Variants in TMEM63C observed in about 807,000 individuals in gnomAD.
The protein encoded by TMEM63C is transmembrane protein 63C, also known as osmosensitive cation channel TMEM63C.
Under a neutral mutation model 99.2 loss-of-function variants are expected in TMEM63C, and 32 were observed. The ratio of observed to expected loss-of-function variants is 0.32; its 90% confidence interval spans 0.24 to 0.43. TMEM63C has a LOEUF of 0.43. Among genes scored for constraint, TMEM63C ranks in the 20% least tolerant of loss-of-function variants. TMEM63C has a pLI of 1.00. For synonymous variants in TMEM63C, 376 were observed against 397.9 expected (o/e 0.94, Z 0.66); for missense variants, 826 against 1,053.0 (o/e 0.78, Z 2.98).
At chr14:77,229,064 A>C (rs1307605920) in intron 6 of TMEM63C, among the ~76,000 whole-genome samples, 1 of 152,204 alleles carries the variant, frequency 6.6e-6, no homozygotes, top group Non-Finnish European at 1.5e-5. Flanking sequence ...GCAGTGCATC[A>C]AATGCTTTTT....
intron 1 of TMEM63C, among the ~76,000 whole-genome samples, chr14:77,193,190 C>A (rs1335961555): frequency 6.6e-6 from 1 of 152,138 alleles, no homozygotes; most frequent in Non-Finnish European, 1.5e-5. Flanking sequence ...TTTTTGACAA[C>A]CGAATTACAA....
chr14:77,256,692 G>A lies in TMEM63C; in HGVS notation c.2387G>A (p.Gly796Glu), dbSNP rs748302096. ...CTAGACTCGGCCCAGTTCCAGGAAG[G>A]GCTGGAACTGGAGGGCCAGAACCAG... ...RELDSAQFQE[G>E]LELEGQNQYH The change falls in exon 24 of 24, where the codon GGG (glycine) becomes GAG (glutamate). Residue 796 changes from glycine to glutamate, a missense_variant. By Grantham distance (98) the Gly-to-Glu change is moderately conservative. Coordinates refer to ENST00000298351, the MANE Select transcript of TMEM63C (RefSeq NM_020431.4). 2 of 1,613,968 alleles carry A rather than the reference G, an allele frequency of 1.2e-6. No individual in the cohort carries two copies. The highest frequency in any genetic ancestry group is 3.3e-5 in the Admixed American group (2 of 60,028).
intron 1 of TMEM63C, among the ~76,000 whole-genome samples, chr14:77,204,085 G>T (rs996769197): frequency 6.6e-6 from 1 of 152,248 alleles, no homozygotes; most frequent in Non-Finnish European, 1.5e-5. Context: ...CAGGAGCTGA[G>T]CTGAGCCATT....
intron 1 of TMEM63C, among the ~76,000 whole-genome samples, chr14:77,194,553 C>CTTTTTCTTTCTTTCTT (rs56115104): frequency 8.0e-6 from 1 of 125,046 alleles, no homozygotes; most frequent in Non-Finnish European, 1.6e-5. Context: ...TTCTTTCTTT[C>CTTTTTCTTTCTTTCTT]TCTTTCTTTC....
intron 5 of TMEM63C, among the ~76,000 whole-genome samples, chr14:77,224,470 G>T (rs1888782296): frequency 6.6e-6 from 1 of 152,096 alleles, no homozygotes; most frequent in Non-Finnish European, 1.5e-5. Flanking sequence ...CTTGTGCAAG[G>T]TTTTGCTAAG....
rs183726759 is a variant in TMEM63C, at chr14:77,252,384, C to A, written c.2148+486C>A. Among the ~76,000 whole-genome samples, 126 of 152,292 alleles carry A rather than the reference C, an allele frequency of 8.3e-4. 2 individuals are homozygous for A. Among genetic ancestry groups the A allele is most frequent in the Non-Finnish European group, 1.1e-3 (74 of 68,016 alleles). On this transcript the variant is annotated intron_variant, in intron 22 of 23. Transcript: ENST00000298351. ...GAGGTGGCCCCTGCCCCACATGACTCCTTTGGTTGTTGGCAGTGGGCCCAG... is the reference window on the plus strand; with the variant it reads ...GAGGTGGCCCCTGCCCCACATGACTACTTTGGTTGTTGGCAGTGGGCCCAG...
At chr14:77,209,939 G>C (rs1330814071) in intron 1 of TMEM63C, among the ~76,000 whole-genome samples, 1 of 152,020 alleles carries the variant, frequency 6.6e-6, no homozygotes, top group Non-Finnish European at 1.5e-5. Context: ...CACAGATTCG[G>C]GACCAGCTGG....
rs566568505 is a variant in TMEM63C, at chr14:77,223,470, G to A, written c.313-1954G>A. 2.6e-5 allele frequency among the ~76,000 whole-genome samples: 4 copies of A among 152,274 alleles called. No individual in the cohort carries two copies. In the East Asian group the frequency reaches 7.7e-4, roughly 29 times the overall value. On this transcript the variant is annotated intron_variant, in intron 5 of 23. Coordinates refer to ENST00000298351, the MANE Select transcript of TMEM63C (RefSeq NM_020431.4). ...AGGTACTGTTACCCCCAGGTGGCGG[G>A]GGCTCAGATAGGTGAAGTGAACTGA...
intron 22 of TMEM63C, among the ~76,000 whole-genome samples, chr14:77,252,651 G>A (rs1272237494): frequency 6.6e-6 from 1 of 152,226 alleles, no homozygotes; most frequent in Admixed American, 6.5e-5. Context: ...TTAAATGAAT[G>A]TATATAAAGA....
intron 13 of TMEM63C, among the ~76,000 whole-genome samples, 169 bp downstream of exon 13, chr14:77,240,777 CCCCAGCTGCTGGGG>C (rs1045339161): frequency 3.9e-5 from 6 of 152,176 alleles, no homozygotes; most frequent in African/African-American, 1.4e-4. Flanking sequence ...TACCTGCTTC[CCCCAGCTGCTGGGG>C]CCCAGCTGCT....
At chr14:77,255,700 C>T (rs1056115854) in intron 23 of TMEM63C, among the ~76,000 whole-genome samples, 3 of 152,226 alleles carry the variant, frequency 2.0e-5, no homozygotes, top group African/African-American at 7.2e-5. Context: ...AATTCCCATT[C>T]ATTAATGATG....
chr14:77,251,461 A>C (rs1238474836), intron 21 of TMEM63C, among the ~76,000 whole-genome samples: 1 of 152,116 alleles, frequency 6.6e-6, no homozygotes, highest in African/African-American at 2.4e-5. Flanking sequence ...CGTTGGGGGC[A>C]CTGGCAGAAA....
At chr14:77,230,317 C>CT (rs1349924455) in intron 6 of TMEM63C, among the ~76,000 whole-genome samples, 5 of 152,182 alleles carry the variant, frequency 3.3e-5, no homozygotes, top group African/African-American at 4.8e-5. Flanking sequence ...GTCCCCCAAC[C>CT]TTCATCCCCA....
chr14:77,190,460 G>T (rs1888085958), intron 1 of TMEM63C, among the ~76,000 whole-genome samples: 1 of 152,044 alleles, frequency 6.6e-6, no homozygotes, highest in African/African-American at 2.4e-5. Context: ...CCTTGACAAA[G>T]ATAGCACAAA....
intron 5 of TMEM63C, among the ~76,000 whole-genome samples, chr14:77,224,064 T>C (rs764510053): frequency 6.6e-6 from 1 of 151,978 alleles, no homozygotes. Flanking sequence ...CACCTGAACA[T>C]TTATCCTTAA....
intron 2 of TMEM63C, among the ~76,000 whole-genome samples, chr14:77,216,730 A>C (rs1417202472): frequency 1.3e-5 from 2 of 152,118 alleles, no homozygotes; most frequent in Non-Finnish European, 2.9e-5. Flanking sequence ...CCACATTCAG[A>C]ATATTTCCAA....
intron 1 of TMEM63C, among the ~76,000 whole-genome samples, chr14:77,207,082 G>A (rs532481955): frequency 6.6e-6 from 1 of 152,194 alleles, no homozygotes; most frequent in South Asian, 2.1e-4. Context: ...TCTGTCTCCA[G>A]CACCCCCTGG....
chr14:77,226,623 G>A (rs1388434525), intron 6 of TMEM63C, among the ~76,000 whole-genome samples: 1 of 152,146 alleles, frequency 6.6e-6, no homozygotes, highest in African/African-American at 2.4e-5. Context: ...GGGCACATCA[G>A]AAGTAAAGGA....
At position 77,218,808 on chromosome 14, in the gene TMEM63C, C is replaced by T; in HGVS notation, c.-6C>T. On this transcript the variant is annotated 5_prime_UTR_variant, in exon 3 of 24. Transcript: ENST00000298351. ...ATGCCCTCTGTTTCCCAGGGATCCT[C>T]CCAGGATGTCTGCCTCACCAGACGA... 1 of 1,613,060 alleles carries T rather than the reference C, an allele frequency of 6.2e-7. No homozygotes were observed. The highest frequency in any genetic ancestry group is 8.5e-7 in the Non-Finnish European group (1 of 1,179,562).
Sources: allele counts gnomAD v4.1 joint callset (sites outside exome capture counted in the v4.1 genomes callset), GRCh38; gene constraint gnomAD v4.1.1; transcripts MANE v1.5; gene names NCBI Gene and HGNC (gene_info 2026-07-23, HGNC 2026-07-21).